Variants in STXBP5L observed in about 807,000 individuals in gnomAD.
The protein encoded by STXBP5L is syntaxin-binding protein 5-like.
A neutral mutation model predicts 144.5 loss-of-function variants in STXBP5L; 65 were observed. That is an observed-to-expected ratio of 0.45 (90% CI 0.37 to 0.55). The LOEUF is 0.55. Among genes scored for constraint, STXBP5L ranks in the 20% least tolerant of loss-of-function variants. The pLI, the probability that STXBP5L is intolerant of heterozygous loss-of-function variation, is 0.00. For missense variants in STXBP5L, 1,298 were observed against 1,405.5 expected (o/e 0.92, Z 1.22); for synonymous variants, 505 against 469.6 (o/e 1.08, Z -0.97).
At chr3:121,394,602 G>GTTTTTT (rs373859677) in intron 22 of STXBP5L, among the ~76,000 whole-genome samples, 5 of 99,758 alleles carry the variant, frequency 5.0e-5, no homozygotes, top group South Asian at 3.5e-4. Flanking sequence ...TTTGTTGAGG[G>GTTTTTT]TTTTTTTTTT....
At chr3:121,054,710 G>T (rs898516105) in intron 5 of STXBP5L, among the ~76,000 whole-genome samples, 1 of 151,814 alleles carries the variant, frequency 6.6e-6, no homozygotes, top group Non-Finnish European at 1.5e-5. Flanking sequence ...TGCACATTGT[G>T]CACATGTACC....
intron 8 of STXBP5L, among the ~76,000 whole-genome samples, chr3:121,155,661 A>G (rs2046088741): frequency 6.6e-6 from 1 of 151,818 alleles, no homozygotes; most frequent in African/African-American, 2.4e-5. Context: ...GAGGGGTAGA[A>G]TCTAATAAAT....
chr3:121,373,315 G>T (rs1157322127), intron 20 of STXBP5L, among the ~76,000 whole-genome samples: 1 of 152,226 alleles, frequency 6.6e-6, no homozygotes, highest in East Asian at 1.9e-4. Context: ...TGCAGTCCTA[G>T]CTATAAGAAA....
chr3:121,300,844 G>A (rs971875912), intron 19 of STXBP5L, among the ~76,000 whole-genome samples: 1 of 152,016 alleles, frequency 6.6e-6, no homozygotes, highest in African/African-American at 2.4e-5. Flanking sequence ...AAGAAAAAGA[G>A]CTTCTGAGAC....
chr3:121,054,461 A>G (rs1948294063), intron 5 of STXBP5L, among the ~76,000 whole-genome samples: 1 of 151,908 alleles, frequency 6.6e-6, no homozygotes. Context: ...TAAACTGGAA[A>G]CCATCATCTC....
At chr3:120,958,370 T>A (rs1381206701) in intron 3 of STXBP5L, among the ~76,000 whole-genome samples, 1 of 151,984 alleles carries the variant, frequency 6.6e-6, no homozygotes, top group Non-Finnish European at 1.5e-5. Flanking sequence ...ACTATTCCAA[T>A]CAATAGAAAA....
At chr3:121,088,460 G>A (rs1180556265) in intron 5 of STXBP5L, among the ~76,000 whole-genome samples, 1 of 97,870 alleles carries the variant, frequency 1.0e-5, no homozygotes, top group Non-Finnish European at 2.0e-5. Context: ...TGGAGAGGAT[G>A]TGGAGAAATA....
chr3:121,302,259 G>C (rs1159369561), intron 19 of STXBP5L, among the ~76,000 whole-genome samples: 3 of 152,000 alleles, frequency 2.0e-5, no homozygotes, highest in African/African-American at 7.2e-5. Context: ...ACTTCTTCCT[G>C]GTTTAGTCTT....
chr3:121,078,555 G>A (rs1190640826), intron 5 of STXBP5L, among the ~76,000 whole-genome samples: 2 of 152,250 alleles, frequency 1.3e-5, no homozygotes, highest in Non-Finnish European at 2.9e-5. Flanking sequence ...TTGGGTGGTC[G>A]ATGGGACTGG....
In STXBP5L at chr3:121,254,900, C is replaced by T. The variant is rs2050155605; in HGVS notation, c.1447C>T (p.Leu483=). 2 of 1,609,524 alleles carry T rather than the reference C, an allele frequency of 1.2e-6. No homozygotes were observed. The highest frequency in any genetic ancestry group is 1.7e-6 in the Non-Finnish European group (2 of 1,178,046). The part of the protein sequence containing the change: ...IKFWDASAIT[L]QMLYKLKTSK... ...TGTGCTTCGATGTCTTATAGTAACTCTGCAGATGCTGTACAAGCTAAAAAC... is the reference window on the plus strand; with the variant it reads ...TGTGCTTCGATGTCTTATAGTAACTTTGCAGATGCTGTACAAGCTAAAAAC... The change falls in exon 16 of 27, where the codon CTG becomes TTG. Residue 483 remains leucine (L), a synonymous_variant. Transcript: ENST00000471454.
chr3:121,101,116 A>T (rs1392319113), intron 5 of STXBP5L, among the ~76,000 whole-genome samples: 2 of 124,236 alleles, frequency 1.6e-5, no homozygotes, highest in African/African-American at 3.5e-5. Context: ...GCCAAACAAA[A>T]AAAAAGCTCC....
chr3:120,984,388 AT>A (rs1942087809), intron 3 of STXBP5L, among the ~76,000 whole-genome samples: 1 of 152,064 alleles, frequency 6.6e-6, no homozygotes, highest in Admixed American at 6.6e-5. Context: ...AGTTTCTTGA[AT>A]TTTTGTGTTG....
chr3:121,100,027 G>T (rs2043332466), intron 5 of STXBP5L, among the ~76,000 whole-genome samples: 2 of 152,116 alleles, frequency 1.3e-5, no homozygotes, highest in South Asian at 2.1e-4. Flanking sequence ...ATGATAAAGG[G>T]GTTAATTTGA....
chr3:120,973,495 T>A (rs930125832), intron 3 of STXBP5L, among the ~76,000 whole-genome samples: 3 of 152,084 alleles, frequency 2.0e-5, no homozygotes, highest in African/African-American at 7.2e-5. Context: ...TAGCAGTCTA[T>A]CATTTTCTAA....
intron 3 of STXBP5L, among the ~76,000 whole-genome samples, chr3:120,978,057 C>A (rs1226226880): frequency 6.6e-6 from 1 of 152,132 alleles, no homozygotes; most frequent in African/African-American, 2.4e-5. Context: ...ATCTTTGTGG[C>A]ATTCTCTGTA....
intron 3 of STXBP5L, among the ~76,000 whole-genome samples, chr3:121,019,524 C>T (rs902611506): frequency 6.6e-6 from 1 of 152,182 alleles, no homozygotes. Context: ...CACTTCACTC[C>T]CCTGCCATCT....
chr3:121,324,507 AC>A, intron 20 of STXBP5L: 1 of 697,596 alleles, frequency 1.4e-6, no homozygotes, highest in South Asian at 1.5e-5. Flanking sequence ...TGCTACCAGA[AC>A]CCCTGAGTCA....
chr3:121,385,747 C>A (rs2046413026), intron 22 of STXBP5L, among the ~76,000 whole-genome samples: 1 of 152,190 alleles, frequency 6.6e-6, no homozygotes, highest in East Asian at 1.9e-4. Context: ...CACTTTTGGA[C>A]CTACCCTGTC....
chr3:121,096,435 G>A (rs1303948507), intron 5 of STXBP5L, among the ~76,000 whole-genome samples: 1 of 152,150 alleles, frequency 6.6e-6, no homozygotes, highest in Non-Finnish European at 1.5e-5. Context: ...GAGAAGAGGT[G>A]TTCTGGTTTT....
Sources: allele counts gnomAD v4.1 joint callset (sites outside exome capture counted in the v4.1 genomes callset), GRCh38; gene constraint gnomAD v4.1.1; transcripts MANE v1.5; gene names NCBI Gene and HGNC (gene_info 2026-07-23, HGNC 2026-07-21).